Variants in PLEKHA5 observed in about 807,000 individuals in gnomAD.
PLEKHA5 encodes the protein pleckstrin homology domain containing A5, also known as pleckstrin homology domain-containing family A member 5.
Under a neutral mutation model 181.9 loss-of-function variants are expected in PLEKHA5, and 55 were observed. The ratio of observed to expected loss-of-function variants is 0.30; its 90% CI spans 0.24 to 0.38. PLEKHA5 has a LOEUF of 0.38. Among genes scored for constraint, PLEKHA5 ranks in the 10% least tolerant of loss-of-function variants. PLEKHA5 has a pLI of 1.00. For missense variants in PLEKHA5, 1,432 were observed against 1,549.5 expected, an observed-to-expected ratio of 0.92 and a Z score of 1.27; for synonymous variants, 535 against 529.4, an observed-to-expected ratio of 1.01 and a Z score of -0.15.
At chr12:19,139,920 G>A (rs766336188) in intron 3 of PLEKHA5, among the ~76,000 whole-genome samples, 3 of 152,176 alleles carry the variant, frequency 2.0e-5, no homozygotes, top group Admixed American at 6.5e-5. Context: ...GGTATGGTAT[G>A]GCAATTTATG....
intron 3 of PLEKHA5, among the ~76,000 whole-genome samples, chr12:19,213,440 C>T (rs1049588338): frequency 2.0e-5 from 3 of 152,056 alleles, no homozygotes. Flanking sequence ...ATGTGAGGTG[C>T]TTGGGGGCAG....
intron 22 of PLEKHA5, among the ~76,000 whole-genome samples, 190 bp downstream of exon 22, chr12:19,343,624 A>G (rs1271582835): frequency 1.3e-5 from 2 of 152,232 alleles, no homozygotes; most frequent in Non-Finnish European, 2.9e-5. Flanking sequence ...TATTGCTCCC[A>G]GGTTGCAAAC....
rs1215483739 is a variant in PLEKHA5 at position 19,375,868 on chromosome 12, T to TTA, written c.*359_*360dup. The stretch of plus-strand genomic sequence containing the variant: ...CGATGTTTCTTAAGTCTAGGTGAAT[T>TTA]TATATATATATTTTTTTGCTTTTCA... On this transcript the variant is annotated 3_prime_UTR_variant, in exon 32 of 32. Transcript: ENST00000429027. 5 of 152,524 alleles carry TTA rather than the reference T, an allele frequency of 3.3e-5. No individual in the cohort carries two copies. Among genetic ancestry groups the TTA allele is most frequent in the Admixed American group, 6.6e-5 (1 of 15,254 alleles). The allele number at this position is 152,524 out of a possible 1,614,324, so 9.4% of individuals were successfully genotyped here. A position where few individuals can be genotyped will look rare whatever the true frequency, so the allele number is the denominator to read the frequency against.
At chr12:19,135,570 A>G (rs1332225028) in intron 3 of PLEKHA5, among the ~76,000 whole-genome samples, 1 of 152,136 alleles carries the variant, frequency 6.6e-6, no homozygotes, top group Non-Finnish European at 1.5e-5. Flanking sequence ...ATAGACAATC[A>G]CAGATAAGTA....
intron 15 of PLEKHA5, among the ~76,000 whole-genome samples, chr12:19,309,792 G>A (rs2152977772): frequency 6.6e-6 from 1 of 152,116 alleles, no homozygotes; most frequent in Non-Finnish European, 1.5e-5. Flanking sequence ...CGATACATTT[G>A]TGTTACTGCA....
intron 20 of PLEKHA5, among the ~76,000 whole-genome samples, chr12:19,331,685 T>C (rs1038529137): frequency 2.0e-5 from 3 of 152,142 alleles, no homozygotes; most frequent in Admixed American, 6.5e-5. Flanking sequence ...GTAAGCACTA[T>C]TAAAATTTAC....
At chr12:19,306,680 A>C (rs2083831066) in intron 15 of PLEKHA5, 1 of 1,473,270 alleles carries the variant, frequency 6.8e-7, no homozygotes, top group Non-Finnish European at 9.4e-7. Context: ...GCTAGCTCTG[A>C]GCAGATGCGG....
intron 3 of PLEKHA5, chr12:19,201,344 A>C (rs901087080): frequency 2.6e-5 from 4 of 152,114 alleles, no homozygotes; most frequent in Non-Finnish European, 5.9e-5. Flanking sequence ...AGTATCAAGT[A>C]TTGCGGAGAA....
At chr12:19,375,061 T>C (rs1592684485) in intron 31 of PLEKHA5, among the ~76,000 whole-genome samples, 1 of 150,114 alleles carries the variant, frequency 6.7e-6, no homozygotes, top group African/African-American at 2.5e-5. Context: ...TAGTGGCTCA[T>C]GCCTGTAATC....
chr12:19,318,590 G>C (rs1355141383), intron 16 of PLEKHA5, among the ~76,000 whole-genome samples: 1 of 152,124 alleles, frequency 6.6e-6, no homozygotes, highest in Non-Finnish European at 1.5e-5. Flanking sequence ...TTCAGATTCT[G>C]TAATCTAGTA....
chr12:19,285,192 T>G (rs2076967155), intron 12 of PLEKHA5, among the ~76,000 whole-genome samples: 1 of 152,332 alleles, frequency 6.6e-6, no homozygotes, highest in East Asian at 1.9e-4. Context: ...AAAGACTAAA[T>G]CATGATTGAT....
At chr12:19,230,688 C>T (rs534199513) in intron 3 of PLEKHA5, among the ~76,000 whole-genome samples, 4 of 152,268 alleles carry the variant, frequency 2.6e-5, no homozygotes, top group South Asian at 2.1e-4. Context: ...CTGAAACTTG[C>T]GCTGGCCCAC....
chr12:19,257,288 G>C, intron 5 of PLEKHA5, 145 bp from the exon 6 acceptor site: 2 of 524,218 alleles, frequency 3.8e-6, no homozygotes, highest in East Asian at 6.6e-5. Context: ...CCCAGCAAAA[G>C]TAGAATTTTA....
chr12:19,192,116 T>A (rs755198222), intron 3 of PLEKHA5, among the ~76,000 whole-genome samples: 37 of 152,028 alleles, frequency 2.4e-4, no homozygotes, highest in Non-Finnish European at 4.6e-4. Flanking sequence ...GACTTGAATT[T>A]AAAAAAAATT....
intron 5 of PLEKHA5, among the ~76,000 whole-genome samples, chr12:19,256,872 C>T (rs1415481545): frequency 6.6e-6 from 1 of 152,148 alleles, no homozygotes; most frequent in Non-Finnish European, 1.5e-5. Flanking sequence ...TAAACCCCAT[C>T]TGTCTAGTTT....
intron 3 of PLEKHA5, among the ~76,000 whole-genome samples, chr12:19,174,516 T>C (rs1257496292): frequency 6.6e-6 from 1 of 152,206 alleles, no homozygotes; most frequent in Non-Finnish European, 1.5e-5. Context: ...CATTTTGTCC[T>C]ATAGGTGTTT....
chr12:19,240,824 A>T (rs1274292447), intron 3 of PLEKHA5, among the ~76,000 whole-genome samples: 1 of 152,038 alleles, frequency 6.6e-6, no homozygotes, highest in African/African-American at 2.4e-5. Context: ...AATGTTTCTG[A>T]GTTAGGGTTC....
At chr12:19,268,560 G>A (rs569495180) in intron 8 of PLEKHA5, among the ~76,000 whole-genome samples, 3 of 152,252 alleles carry the variant, frequency 2.0e-5, no homozygotes, top group Admixed American at 1.3e-4. Flanking sequence ...TGACATTGTT[G>A]CAAATGCTTA....
At chr12:19,243,782 TAC>T (rs1337256605) in intron 3 of PLEKHA5, among the ~76,000 whole-genome samples, 1 of 152,148 alleles carries the variant, frequency 6.6e-6, no homozygotes. Flanking sequence ...CAAAAAAAAT[TAC>T]AGTCTTTGAG....
Sources: gnomAD v4.1 joint callset for allele counts (sites outside exome capture counted in the v4.1 genomes callset) on GRCh38, gnomAD v4.1.1 for gene constraint, MANE v1.5 for transcripts, NCBI Gene and HGNC (gene_info 2026-07-23, HGNC 2026-07-21) for gene names.